The following VWA8 variants were observed in gnomAD, a reference collection of about 807,000 sequenced individuals.
VWA8 encodes von Willebrand factor A domain containing 8.
Under a neutral mutation model 241.5 loss-of-function variants are expected in VWA8, and 221 were observed. The observed-to-expected ratio is 0.91, with a 90% CI of 0.82 to 1.02. The LOEUF (loss-of-function observed/expected upper bound fraction) is 1.02, where lower values mean the gene tolerates loss of function less well. Among genes scored for constraint, VWA8 ranks in the 50% least tolerant of loss-of-function variants. The pLI, the probability that VWA8 is intolerant of heterozygous loss-of-function variation, is 0.00. For synonymous variants in VWA8, 852 were observed against 827.1 expected (o/e 1.03, Z -0.52); for missense variants, 2,322 against 2,328.7 (o/e 1.00, Z 0.06).
chr13:41,633,553 AC>A (rs1364532652), intron 37 of VWA8, among the ~76,000 whole-genome samples: 1 of 152,216 alleles, frequency 6.6e-6, no homozygotes, highest in Non-Finnish European at 1.5e-5. Flanking sequence ...AGAAAAGAAT[AC>A]CATTGGAATT....
chr13:41,795,687 C>T (rs1394095946), intron 17 of VWA8, among the ~76,000 whole-genome samples: 2 of 152,160 alleles, frequency 1.3e-5, no homozygotes, highest in Non-Finnish European at 2.9e-5. Flanking sequence ...CACAAAATAA[C>T]ACAGGAACAG....
At chr13:41,881,197 T>G (rs1874154345) in intron 9 of VWA8, among the ~76,000 whole-genome samples, 1 of 152,052 alleles carries the variant, frequency 6.6e-6, no homozygotes, top group South Asian at 2.1e-4. Flanking sequence ...CTCCATCATT[T>G]TGACATATCG....
At chr13:41,780,096 T>A (rs1048285019) in intron 19 of VWA8, among the ~76,000 whole-genome samples, 3 of 152,178 alleles carry the variant, frequency 2.0e-5, no homozygotes, top group Non-Finnish European at 4.4e-5. Context: ...TCTTACATGC[T>A]TCCCCTTGTA....
chr13:41,721,827 G>A (rs543743460), intron 24 of VWA8, among the ~76,000 whole-genome samples: 4 of 152,138 alleles, frequency 2.6e-5, no homozygotes, highest in East Asian at 1.9e-4. Flanking sequence ...CATGCTCACC[G>A]GGAGATATTC....
At chr13:41,729,803 AC>A in intron 22 of VWA8, 126 bp from the exon 23 acceptor site, 2 of 350,930 alleles carry the variant, frequency 5.7e-6, no homozygotes, top group Non-Finnish European at 9.3e-6. Flanking sequence ...ACGTAGACAC[AC>A]ACACACACAC....
At chr13:41,915,393 T>G (rs1394548001) in intron 2 of VWA8, among the ~76,000 whole-genome samples, 1 of 152,216 alleles carries the variant, frequency 6.6e-6, no homozygotes, top group Non-Finnish European at 1.5e-5. Flanking sequence ...CAGGAGGCAT[T>G]TGGAAAATGT....
chr13:41,815,166 T>C (rs2137979168), intron 16 of VWA8, among the ~76,000 whole-genome samples: 1 of 152,244 alleles, frequency 6.6e-6, no homozygotes, highest in East Asian at 1.9e-4. Context: ...AGGCAGGCAC[T>C]AGTAAGTTCA....
intron 16 of VWA8, among the ~76,000 whole-genome samples, chr13:41,811,600 GA>G (rs1420331734): frequency 6.6e-6 from 1 of 152,090 alleles, no homozygotes; most frequent in Non-Finnish European, 1.5e-5. Context: ...TTGGAGATGG[GA>G]GGGGCAATGG....
intron 2 of VWA8, among the ~76,000 whole-genome samples, chr13:41,923,303 G>C (rs993664797): frequency 6.6e-6 from 1 of 152,088 alleles, no homozygotes; most frequent in African/African-American, 2.4e-5. Flanking sequence ...GGGGAGCGGG[G>C]AGGGATAGCA....
intron 17 of VWA8, among the ~76,000 whole-genome samples, chr13:41,788,134 G>A (rs1478430925): frequency 6.6e-6 from 1 of 152,144 alleles, no homozygotes; most frequent in South Asian, 2.1e-4. Context: ...CCTGAGGCAT[G>A]AAACATAGTT....
chr13:41,859,006 G>A (rs529813422), intron 12 of VWA8, among the ~76,000 whole-genome samples: 103 of 151,402 alleles, frequency 6.8e-4, no homozygotes, highest in African/African-American at 1.9e-3. Context: ...AAGAACATAC[G>A]TTTGAAGCTG....
At chr13:41,888,676 T>C (rs1157120479) in intron 5 of VWA8, among the ~76,000 whole-genome samples, 1 of 152,242 alleles carries the variant, frequency 6.6e-6, no homozygotes, top group African/African-American at 2.4e-5. Context: ...CTTTATCTTA[T>C]GCAAGCTTCT....
intron 22 of VWA8, among the ~76,000 whole-genome samples, 165 bp from the exon 23 acceptor site, chr13:41,729,842 C>T (rs1458266584): frequency 2.0e-5 from 3 of 147,840 alleles, no homozygotes; most frequent in Admixed American, 6.7e-5. Context: ...CACACACACA[C>T]ATCTATAGCA....
intron 4 of VWA8, among the ~76,000 whole-genome samples, chr13:41,904,100 T>C (rs568263569): frequency 1.3e-5 from 2 of 152,216 alleles, no homozygotes; most frequent in East Asian, 3.9e-4. Context: ...AAAATATATA[T>C]CATCTAAAAA....
At position 41,567,600 on chromosome 13, in the gene VWA8, T is replaced by C. The variant is rs2044269614; in HGVS notation, c.*597A>G. ...AGGATTTTTTGATTCCTTTTGGCTTTGGCCAAGAAAATGAAATTATTGAGA... is the reference window on the plus strand; with the variant it reads ...AGGATTTTTTGATTCCTTTTGGCTTCGGCCAAGAAAATGAAATTATTGAGA... On this transcript the variant is annotated 3_prime_UTR_variant, in exon 45 of 45. Coordinates refer to ENST00000379310, the MANE Select transcript of VWA8 (RefSeq NM_015058.2). The C allele has an allele frequency of 6.6e-6, 1 of 152,250 alleles. No homozygotes were observed. The highest frequency in any genetic ancestry group is 2.4e-5 in the African/African-American group (1 of 41,468). 9.4% of individuals were successfully genotyped at this position (152,250 alleles called of 1,614,324 possible).
At chr13:41,927,710 C>T (rs1053025100) in intron 2 of VWA8, among the ~76,000 whole-genome samples, 1 of 152,064 alleles carries the variant, frequency 6.6e-6, no homozygotes, top group African/African-American at 2.4e-5. Flanking sequence ...AAAGGATCTA[C>T]AAAACAGCCA....
chr13:41,836,903 G>A (rs1871757622), intron 12 of VWA8, among the ~76,000 whole-genome samples: 1 of 152,014 alleles, frequency 6.6e-6, no homozygotes, highest in Non-Finnish European at 1.5e-5. Context: ...ATCTTCGGAG[G>A]GATAGAACAT....
intron 2 of VWA8, among the ~76,000 whole-genome samples, chr13:41,933,034 A>G (rs1220455050): frequency 6.6e-6 from 1 of 152,010 alleles, no homozygotes; most frequent in Non-Finnish European, 1.5e-5. Context: ...CAGATTGGAA[A>G]GGAAAAAGTA....
intron 40 of VWA8, among the ~76,000 whole-genome samples, chr13:41,601,324 T>A (rs1253505975): frequency 6.6e-6 from 1 of 152,120 alleles, no homozygotes; most frequent in Non-Finnish European, 1.5e-5. Flanking sequence ...ATCTTATCAA[T>A]CTCTGTGCCC....
Sources: allele counts gnomAD v4.1 joint callset (sites outside exome capture counted in the v4.1 genomes callset), GRCh38; gene constraint gnomAD v4.1.1; transcripts MANE v1.5; gene names NCBI Gene and HGNC (gene_info 2026-07-23, HGNC 2026-07-21).